Variants in RAB11FIP2 observed in about 807,000 individuals in gnomAD.
RAB11FIP2 encodes RAB11 family interacting protein 2.
Under a neutral mutation model 40.9 loss-of-function variants are expected in RAB11FIP2, and 16 were observed. The ratio of observed to expected loss-of-function variants is 0.39; its 90% CI spans 0.26 to 0.59. RAB11FIP2 has a LOEUF of 0.59. Ranked by LOEUF, RAB11FIP2 falls within the 20% of genes least tolerant of loss-of-function variation. RAB11FIP2 has a pLI of 0.53. For synonymous variants in RAB11FIP2, 228 were observed against 213.7 expected (o/e 1.07, Z -0.58); for missense variants, 532 against 606.2 (o/e 0.88, Z 1.28).
intron 4 of RAB11FIP2, among the ~76,000 whole-genome samples, chr10:118,010,915 C>A (rs925537941): frequency 2.0e-5 from 3 of 151,640 alleles, no homozygotes; most frequent in Non-Finnish European, 2.9e-5. Context: ...AGCGAGCAGA[C>A]AGGGGCCGAA....
At chr10:118,013,039 C>T (rs904652942) in intron 4 of RAB11FIP2, among the ~76,000 whole-genome samples, 1 of 152,028 alleles carries the variant, frequency 6.6e-6, no homozygotes, top group Non-Finnish European at 1.5e-5. Context: ...TGCTAGTGAT[C>T]TATTTTTGCT....
chr10:118,045,756 A>C (rs2133187062), intron 1 of RAB11FIP2, 55 bp downstream of exon 1: 1 of 1,397,340 alleles, frequency 7.2e-7, no homozygotes, highest in Non-Finnish European at 9.7e-7. Flanking sequence ...AAGAACAGAA[A>C]AACCATAAAT....
At chr10:118,015,138 G>A (rs566613525) in intron 3 of RAB11FIP2, 28 bp from the exon 4 acceptor site, 1 of 1,573,838 alleles carries the variant, frequency 6.4e-7, no homozygotes, top group South Asian at 1.2e-5. Flanking sequence ...AATGTTAAAA[G>A]TGTCATAACT....
At chr10:118,037,759 A>G (rs930369516) in intron 3 of RAB11FIP2, among the ~76,000 whole-genome samples, 3 of 151,986 alleles carry the variant, frequency 2.0e-5, no homozygotes, top group African/African-American at 7.2e-5. Flanking sequence ...TACGTGGTAA[A>G]CACTCTAGCA....
chr10:118,045,386 T>C (rs1368734252), intron 1 of RAB11FIP2: 1 of 162,014 alleles, frequency 6.2e-6, no homozygotes, highest in African/African-American at 2.4e-5. Flanking sequence ...GTGATTTATC[T>C]TTTGACAGCT....
chr10:118,028,676 G>A (rs755828629), intron 3 of RAB11FIP2, among the ~76,000 whole-genome samples: 3 of 152,100 alleles, frequency 2.0e-5, no homozygotes, highest in Non-Finnish European at 4.4e-5. Flanking sequence ...GAAAAGTAGT[G>A]TCCACAGAAG....
rs1846632429 is a variant in RAB11FIP2, at chr10:118,046,185, C to G, written c.-22G>C. On this transcript the variant is annotated 5_prime_UTR_variant, in exon 1 of 5. Transcript: ENST00000355624. ...TCATCCTGTCCTGTTTCTCTGCCCC[C>G]GAGTTCCCTAGCACAGGCAGTGCCC... The G allele has an allele frequency of 2.5e-6, 4 of 1,601,150 alleles. No individual in the cohort carries two copies. The highest frequency in any genetic ancestry group is 3.4e-6 in the Non-Finnish European group (4 of 1,170,772).
At chr10:118,014,191 A>C (rs774478850) in intron 4 of RAB11FIP2, among the ~76,000 whole-genome samples, 6 of 152,134 alleles carry the variant, frequency 3.9e-5, no homozygotes, top group African/African-American at 7.2e-5. Context: ...TCTTCTAGCC[A>C]TGTCACATCC....
At chr10:118,025,218 T>C (rs1846329116) in intron 3 of RAB11FIP2, among the ~76,000 whole-genome samples, 2 of 152,226 alleles carry the variant, frequency 1.3e-5, no homozygotes, top group Admixed American at 1.3e-4. Context: ...AACAGATGAA[T>C]ACAATGATCT....
intron 3 of RAB11FIP2, among the ~76,000 whole-genome samples, chr10:118,028,675 T>C (rs1367827432): frequency 2.0e-5 from 3 of 152,128 alleles, no homozygotes; most frequent in Non-Finnish European, 2.9e-5. Context: ...GGAAAAGTAG[T>C]GTCCACAGAA....
rs1289367118 is a variant in RAB11FIP2, at chr10:118,040,326, C to G, written c.593G>C (p.Ser198Thr). The G allele has an allele frequency of 1.2e-6, 2 of 1,613,928 alleles. No homozygotes were observed. The highest frequency in any genetic ancestry group is 2.2e-5 in the South Asian group (2 of 91,082). Residue 198 changes from serine (S) to threonine (T), a missense_variant, in exon 2 of 5, where the codon AGT (serine) becomes ACT (threonine). Transcript: ENST00000355624. ...IPSTHMPDAN[S>T]EFSSGEIQMK... ...CTGTATTTCACCACTTGAAAATTCACTATTGGCATCGGGCATGTGAGTACT... is the reference window on the plus strand; with the variant it reads ...CTGTATTTCACCACTTGAAAATTCAGTATTGGCATCGGGCATGTGAGTACT...
Position 118,004,917 on chromosome 10 carries a change from TAA to T in RAB11FIP2, c.*4079_*4080del, listed in dbSNP as rs1406143939. The T allele has an allele frequency of 3.3e-5, 5 of 152,636 alleles. No individual in the cohort carries two copies. Among genetic ancestry groups the T allele is most frequent in the African/African-American group, 7.2e-5 (3 of 41,464 alleles). 9.5% of individuals were successfully genotyped at this position (152,636 alleles called of 1,614,324 possible). On this transcript the variant is annotated 3_prime_UTR_variant, in exon 5 of 5. Coordinates refer to ENST00000355624, the MANE Select transcript of RAB11FIP2 (RefSeq NM_014904.3). ...CTGTAATAAATGTTGACAACTGAAT[TAA>T]GTTTAAACACTTTAATCAACTATAA...
chr10:118,021,645 C>T (rs1455880164), intron 3 of RAB11FIP2, among the ~76,000 whole-genome samples: 1 of 152,232 alleles, frequency 6.6e-6, no homozygotes, highest in Non-Finnish European at 1.5e-5. Flanking sequence ...ATACTCATTG[C>T]TTCTTTGACG....
chr10:118,025,248 T>A (rs943034436), intron 3 of RAB11FIP2, among the ~76,000 whole-genome samples: 1 of 152,234 alleles, frequency 6.6e-6, no homozygotes, highest in East Asian at 1.9e-4. Flanking sequence ...TTGTACATTA[T>A]CCTATCCAAC....
chr10:118,037,595 T>C (rs1300555332), intron 3 of RAB11FIP2, among the ~76,000 whole-genome samples: 1 of 152,080 alleles, frequency 6.6e-6, no homozygotes, highest in Non-Finnish European at 1.5e-5. Context: ...ATTATGTACT[T>C]TCATTTATCC....
In RAB11FIP2 at chr10:118,008,845, T is replaced by C; in HGVS notation, c.*153A>G. The C allele has an allele frequency of 1.5e-6, 1 of 647,052 alleles. No individual in the cohort carries two copies. The highest frequency in any genetic ancestry group is 2.0e-5 in the South Asian group (1 of 50,332). The allele number at this position is 647,052 out of a possible 1,614,324, so 40.1% of individuals were successfully genotyped here. On this transcript the variant is annotated 3_prime_UTR_variant, in exon 5 of 5. Transcript: ENST00000355624. The stretch of plus-strand genomic sequence containing the variant: ...TTCAAAGGTCACTCTTGATAGTCCC[T>C]GCTAATATTTACAGGTAAAACTACT...
chr10:118,010,878 G>A (rs1462240125), intron 4 of RAB11FIP2, among the ~76,000 whole-genome samples: 4 of 151,990 alleles, frequency 2.6e-5, no homozygotes, highest in African/African-American at 9.7e-5. Flanking sequence ...ACTCTGTAGA[G>A]CATGGCTGGA....
Position 118,034,086 on chromosome 10 carries a change from T to C in RAB11FIP2, c.1265+4886A>G, listed in dbSNP as rs1330083809. The C allele has an allele frequency of 1.0e-5, 7 of 698,184 alleles. No individual in the cohort carries two copies. In the Admixed American group the frequency reaches 1.4e-4, roughly 14 times the overall value. 43.2% of individuals were successfully genotyped at this position (698,184 alleles called of 1,614,324 possible). Reference sequence around the variant, plus strand: ...AATAGTTTTAGCTTTGTGGGCCATATGGTCTCTGTCACAACTACTCAACGC... The same window carrying C: ...AATAGTTTTAGCTTTGTGGGCCATACGGTCTCTGTCACAACTACTCAACGC... On this transcript the variant is annotated intron_variant, in intron 3 of 4. Coordinates refer to ENST00000355624, the MANE Select transcript of RAB11FIP2 (RefSeq NM_014904.3).
intron 3 of RAB11FIP2, among the ~76,000 whole-genome samples, chr10:118,030,558 A>G (rs1417107327): frequency 6.6e-6 from 1 of 152,064 alleles, no homozygotes; most frequent in African/African-American, 2.4e-5. Context: ...AAAATTAAAG[A>G]TGCTTTTCTT....
Sources: gnomAD v4.1 joint callset for allele counts (sites outside exome capture counted in the v4.1 genomes callset) on GRCh38, gnomAD v4.1.1 for gene constraint, MANE v1.5 for transcripts, NCBI Gene and HGNC (gene_info 2026-07-23, HGNC 2026-07-21) for gene names.